The following FAM98B variants were observed in gnomAD, a reference collection of about 807,000 sequenced individuals.
The protein encoded by FAM98B is tRNA splicing ligase complex subunit 3B, also known as tRNA-splicing ligase complex subunit FAM98B.
In FAM98B, 32 loss-of-function variants were observed where a neutral mutation model predicts 43.9. The observed-to-expected ratio is 0.73, with a 90% CI of 0.55 to 0.98. The LOEUF is 0.98. FAM98B is among the 50% of genes least tolerant of loss of function. The pLI is 0.00. For missense variants in FAM98B, 514 were observed against 522.9 expected (o/e 0.98, Z 0.17); for synonymous variants, 190 against 174.0 (o/e 1.09, Z -0.72).
intron 6 of FAM98B, 46 bp downstream of exon 6, chr15:38,474,344 C>T (rs1456059393): frequency 7.6e-7 from 1 of 1,321,580 alleles, no homozygotes; most frequent in East Asian, 2.3e-5. Flanking sequence ...TAGCCTATAA[C>T]AGCTCTTCTG....
intron 1 of FAM98B, 118 bp from the exon 2 acceptor site, chr15:38,463,914 C>A: frequency 1.1e-6 from 1 of 940,640 alleles, no homozygotes; most frequent in Non-Finnish European, 1.5e-6. Context: ...CATTTAATGG[C>A]TGTGTTCCAA....
chr15:38,474,080 T>C (rs1890162156), intron 5 of FAM98B, 102 bp from the exon 6 acceptor site: 2 of 744,498 alleles, frequency 2.7e-6, no homozygotes, highest in African/African-American at 3.5e-5. Context: ...AGTAAGTACA[T>C]CTTTTGACTC....
At chr15:38,460,766 G>A (rs1369061881) in intron 1 of FAM98B, among the ~76,000 whole-genome samples, 1 of 152,246 alleles carries the variant, frequency 6.6e-6, no homozygotes, top group Middle Eastern at 3.4e-3. Context: ...GCTCAGTTCC[G>A]GGACAGTTGT....
At chr15:38,480,597 C>G (rs1323508990) in intron 6 of FAM98B, among the ~76,000 whole-genome samples, 1 of 151,352 alleles carries the variant, frequency 6.6e-6, no homozygotes, top group Non-Finnish European at 1.5e-5. Flanking sequence ...TTTCCATCTG[C>G]AAAAGGGGAT....
chr15:38,471,509 G>T (rs761930307), intron 4 of FAM98B, among the ~76,000 whole-genome samples: 26 of 151,992 alleles, frequency 1.7e-4, no homozygotes, highest in Non-Finnish European at 2.9e-4. Flanking sequence ...CCATTTTATG[G>T]TTTTTATTTA....
At chr15:38,480,707 A>G (rs1194765180) in intron 6 of FAM98B, among the ~76,000 whole-genome samples, 2 of 152,188 alleles carry the variant, frequency 1.3e-5, no homozygotes, top group African/African-American at 4.8e-5. Flanking sequence ...TTCTCATTAA[A>G]TGTTAACTGA....
At chr15:38,462,120 C>T (rs1476034560) in intron 1 of FAM98B, among the ~76,000 whole-genome samples, 2 of 150,734 alleles carry the variant, frequency 1.3e-5, no homozygotes, top group African/African-American at 4.8e-5. Flanking sequence ...GATCTCTACT[C>T]TATGTAAATG....
chr15:38,469,694 C>G (rs1890093958), intron 3 of FAM98B, among the ~76,000 whole-genome samples: 1 of 151,654 alleles, frequency 6.6e-6, no homozygotes, highest in African/African-American at 2.4e-5. Flanking sequence ...AGTGTGAAAT[C>G]GAAGAGAATA....
chr15:38,460,607 C>A (rs1173147762), intron 1 of FAM98B, among the ~76,000 whole-genome samples: 2 of 152,148 alleles, frequency 1.3e-5, no homozygotes, highest in Non-Finnish European at 2.9e-5. Context: ...AAGTACTGTT[C>A]TAGCCAGAAA....
intron 1 of FAM98B, among the ~76,000 whole-genome samples, chr15:38,461,195 T>C (rs1311400434): frequency 6.6e-6 from 1 of 152,214 alleles, no homozygotes. Context: ...TGAGTATTGC[T>C]TTATTGCAGA....
intron 1 of FAM98B, among the ~76,000 whole-genome samples, chr15:38,457,465 T>C (rs1889866038): frequency 6.6e-6 from 1 of 152,168 alleles, no homozygotes; most frequent in South Asian, 2.1e-4. Context: ...GTAATGATGA[T>C]ATCAAAGAAT....
intron 4 of FAM98B, among the ~76,000 whole-genome samples, chr15:38,471,104 A>G (rs1890125377): frequency 2.0e-5 from 3 of 152,038 alleles, no homozygotes; most frequent in African/African-American, 7.2e-5. Context: ...GATTCATTTT[A>G]AAGGAAAATA....
At chr15:38,469,384 C>G (rs1890088126) in intron 3 of FAM98B, among the ~76,000 whole-genome samples, 2 of 152,158 alleles carry the variant, frequency 1.3e-5, no homozygotes, top group South Asian at 4.1e-4. Flanking sequence ...GCTCTATGTG[C>G]TTATATATCA....
intron 1 of FAM98B, among the ~76,000 whole-genome samples, chr15:38,460,936 G>A (rs1462043971): frequency 6.6e-6 from 1 of 152,150 alleles, no homozygotes; most frequent in African/African-American, 2.4e-5. Context: ...CCAACATACA[G>A]TTAGCACTTT....
chr15:38,470,181 G>A, intron 3 of FAM98B, 46 bp from the exon 4 acceptor site: 2 of 1,280,316 alleles, frequency 1.6e-6, no homozygotes, highest in Non-Finnish European at 2.1e-6. Flanking sequence ...TATTTCAAGA[G>A]ATTCTTATAC....
chr15:38,459,344 G>C (rs1889909153), intron 1 of FAM98B: 2 of 474,452 alleles, frequency 4.2e-6, no homozygotes, highest in Non-Finnish European at 8.5e-6. Context: ...CTTAGCAGTG[G>C]TGTTGGCTTC....
chr15:38,482,120 G>A (rs1245885807), intron 7 of FAM98B: 1 of 152,862 alleles, frequency 6.5e-6, no homozygotes, highest in Non-Finnish European at 1.5e-5. Context: ...CAAAAAATCA[G>A]AAATAAGGGA....
chr15:38,473,053 A>G (rs1249605771), intron 4 of FAM98B, among the ~76,000 whole-genome samples: 1 of 152,162 alleles, frequency 6.6e-6, no homozygotes, highest in Non-Finnish European at 1.5e-5. Context: ...TTGCTCCCTT[A>G]TGTTGTCTTG....
chr15:38,471,712 G>A (rs572655964), intron 4 of FAM98B, among the ~76,000 whole-genome samples: 1 of 152,200 alleles, frequency 6.6e-6, no homozygotes, highest in Admixed American at 6.5e-5. Flanking sequence ...TCTTCTGCAT[G>A]TGATGTGTCC....
Sources: gnomAD v4.1 joint callset for allele counts (sites outside exome capture counted in the v4.1 genomes callset) on GRCh38, gnomAD v4.1.1 for gene constraint, MANE v1.5 for transcripts, NCBI Gene and HGNC (gene_info 2026-07-23, HGNC 2026-07-21) for gene names.